The following UPRT variants were observed in gnomAD, a reference collection of about 807,000 sequenced individuals.
UPRT encodes the protein RP11-311P8.3.
In UPRT, 5 loss-of-function variants were observed where a neutral mutation model predicts 22.6. The observed-to-expected ratio is 0.22, with a 90% CI of 0.12 to 0.47. The LOEUF (loss-of-function observed/expected upper bound fraction) is 0.47. UPRT is among the 20% of genes least tolerant of loss of function. The probability of loss-of-function intolerance (pLI) is 0.99; values close to 1 mark genes in which losing one functional copy is unlikely to be tolerated. For synonymous variants in UPRT, 77 were observed against 87.7 expected, an observed-to-expected ratio of 0.88 and a Z score of 0.68; for missense variants, 181 against 239.9, an observed-to-expected ratio of 0.75 and a Z score of 1.62.
At chrX:75,225,799 T>C (rs556172175) in intron 4 of UPRT, among the ~76,000 whole-genome samples, 6 of 111,650 alleles carry the variant, frequency 5.4e-5, no homozygotes, top group Non-Finnish European at 7.5e-5. Flanking sequence ...GTATATCCAC[T>C]CTTTTTATTC....
intron 4 of UPRT, among the ~76,000 whole-genome samples, chrX:75,211,187 A>T (rs2082379455): frequency 9.0e-6 from 1 of 111,075 alleles, no homozygotes; most frequent in South Asian, 3.9e-4. Flanking sequence ...GAGGGGAGTG[A>T]GTACCCCAGA....
chrX:75,234,315 A>C (rs746844145), intron 4 of UPRT, among the ~76,000 whole-genome samples: 1 of 111,305 alleles, frequency 9.0e-6, no homozygotes, highest in South Asian at 3.9e-4. Flanking sequence ...AAAAAGGCTT[A>C]GACTCCCACA....
chrX:75,232,058 G>C (rs1051232386), intron 4 of UPRT, among the ~76,000 whole-genome samples: 2 of 111,667 alleles, frequency 1.8e-5, no homozygotes, highest in Admixed American at 1.9e-4. Flanking sequence ...GTGCCAGACA[G>C]TGGGCGCAGG....
chrX:75,223,960 T>C (rs140283793), intron 4 of UPRT, among the ~76,000 whole-genome samples: 1 of 111,729 alleles, frequency 9.0e-6, no homozygotes, highest in East Asian at 2.8e-4. Context: ...TTTCTCTGCA[T>C]GCATAATCTC....
At chrX:75,184,509 T>A (rs1312879422) in intron 4 of UPRT, among the ~76,000 whole-genome samples, 2 of 106,836 alleles carry the variant, frequency 1.9e-5, no homozygotes, top group African/African-American at 3.4e-5. Context: ...CGATGCGGGC[T>A]CTTTTTTGGT....
At chrX:75,201,163 CTT>C (rs1374449079) in intron 4 of UPRT, among the ~76,000 whole-genome samples, 1 of 112,030 alleles carries the variant, frequency 8.9e-6, no homozygotes, top group Non-Finnish European at 1.9e-5. Context: ...CCTGTAATGT[CTT>C]TGCATTTGTT....
chrX:75,273,370 C>G (rs1281949889), upstream of UPRT, among the ~76,000 whole-genome samples: 2 of 110,679 alleles, frequency 1.8e-5, no homozygotes, highest in Non-Finnish European at 3.8e-5. Flanking sequence ...CTCGGATCTA[C>G]AGAATCACAA....
chrX:75,176,412 C>T (rs1032615456), intron 4 of UPRT, among the ~76,000 whole-genome samples: 21 of 111,687 alleles, frequency 1.9e-4, no homozygotes, highest in African/African-American at 5.5e-4. Context: ...AGTAGCATGA[C>T]GTCTCTCCAA....
At chrX:75,179,532 TG>T (rs1157973636) in intron 4 of UPRT, among the ~76,000 whole-genome samples, 1 of 113,116 alleles carries the variant, frequency 8.8e-6, no homozygotes, top group Non-Finnish European at 1.9e-5. Context: ...AGCCCTTCCT[TG>T]GGTGGTCGAT....
chrX:75,242,290 A>G (rs1437421353), intron 4 of UPRT, among the ~76,000 whole-genome samples: 1 of 111,085 alleles, frequency 9.0e-6, no homozygotes, highest in African/African-American at 3.3e-5. Flanking sequence ...TGGCTTGAGC[A>G]TCACCAAAGT....
chrX:75,184,665 T>A (rs2082282961), intron 4 of UPRT, among the ~76,000 whole-genome samples: 1 of 108,193 alleles, frequency 9.2e-6, no homozygotes, highest in Admixed American at 1.0e-4. Context: ...GAGCATGGAA[T>A]GTTCTTCCAT....
intron 4 of UPRT, among the ~76,000 whole-genome samples, chrX:75,179,814 G>A (rs1021828593): frequency 8.0e-5 from 9 of 112,630 alleles, no homozygotes; most frequent in Non-Finnish European, 1.7e-4. Context: ...TGCTCCGAGC[G>A]CGGGGCCCGC....
At chrX:75,216,316 A>G (rs899366575) in intron 4 of UPRT, among the ~76,000 whole-genome samples, 1 of 112,256 alleles carries the variant, frequency 8.9e-6, no homozygotes, top group African/African-American at 3.2e-5. Context: ...TTCAACTCCC[A>G]TGATAACCAG....
In UPRT at chrX:75,260,021, A is replaced by G. The variant is rs766399476; in HGVS notation, c.-446-31003A>G. 7.1e-5 allele frequency among the ~76,000 whole-genome samples: 8 copies of G among 112,065 alleles called. No individual in the cohort carries two copies. The East Asian group carries it at 2.2e-3, about 31-fold the overall frequency. ...CAGCCAAACTAAGCTTCATAAGTGA[A>G]GGAGAAATAAAATCCTTTACAGACA... On this transcript the variant is annotated intron_variant, in intron 4 of 13. Transcript: ENST00000652605.
At chrX:75,191,194 A>C (rs2082313726) in intron 4 of UPRT, among the ~76,000 whole-genome samples, 1 of 112,149 alleles carries the variant, frequency 8.9e-6, no homozygotes, top group Admixed American at 9.4e-5. Flanking sequence ...TTTCCTTCTA[A>C]CAATCAGGAC....
chrX:75,190,227 T>C (rs934497257), intron 4 of UPRT, among the ~76,000 whole-genome samples: 1 of 111,731 alleles, frequency 9.0e-6, no homozygotes, highest in Non-Finnish European at 1.9e-5. Flanking sequence ...TATTTCTCCT[T>C]CTCTTATGAA....
intron 1 of UPRT, among the ~76,000 whole-genome samples, chrX:75,287,251 G>A (rs908227552): frequency 8.9e-6 from 1 of 111,879 alleles, no homozygotes; most frequent in Non-Finnish European, 1.9e-5. Context: ...GAGAATTGAA[G>A]TTGTAATTAT....
chrX:75,236,168 A>C (rs1328086469), intron 4 of UPRT, among the ~76,000 whole-genome samples: 1 of 111,529 alleles, frequency 9.0e-6, no homozygotes, highest in Non-Finnish European at 1.9e-5. Context: ...AGAAACAGAG[A>C]GCCAAATCAT....
Position 75,191,139 on chromosome X carries a change from C to T in UPRT, c.-447+23260C>T, listed in dbSNP as rs1042566062. Among the ~76,000 whole-genome samples, 10 of 111,870 alleles carry T rather than the reference C, an allele frequency of 8.9e-5. No homozygotes were observed. In the South Asian group the frequency reaches 1.1e-3, roughly 13 times the overall value. On this transcript the variant is annotated intron_variant, in intron 4 of 13. Transcript: ENST00000652605. ...TACCTTTGATCTTTGATGATGGCGA[C>T]GTACAGATGGGGTTTTGGTGTGGAT...
Sources: allele counts gnomAD v4.1 joint callset (sites outside exome capture counted in the v4.1 genomes callset), GRCh38; gene constraint gnomAD v4.1.1; transcripts MANE v1.5; gene names NCBI Gene and HGNC (gene_info 2026-07-23, HGNC 2026-07-21).